Variants in RS1 observed in about 807,000 individuals in gnomAD.
The protein encoded by RS1 is retinoschisin.
Under a neutral mutation model 20.8 loss-of-function variants are expected in RS1, and 2 were observed. The ratio of observed to expected loss-of-function variants is 0.10; its 90% CI spans 0.04 to 0.30. The LOEUF (loss-of-function observed/expected upper bound fraction) is 0.30, where lower values mean the gene tolerates loss of function less well. Among genes scored for constraint, RS1 ranks in the 10% least tolerant of loss-of-function variants. RS1 has a pLI of 1.00. For synonymous variants in RS1, 70 were observed against 75.8 expected, an observed-to-expected ratio of 0.92 and a Z score of 0.40; for missense variants, 151 against 189.8, an observed-to-expected ratio of 0.80 and a Z score of 1.20.
At chrX:18,651,264 T>TGTGAGAGA (rs1491242962) in intron 3 of RS1, among the ~76,000 whole-genome samples, 37 of 69,012 alleles carry the variant, frequency 5.4e-4, no homozygotes, top group Middle Eastern at 8.0e-3. Context: ...TGTGTGTGTG[T>TGTGAGAGA]GAGAGAGAGA....
chrX:18,660,926 C>T (rs1426732892), intron 1 of RS1, among the ~76,000 whole-genome samples: 1 of 111,661 alleles, frequency 9.0e-6, no homozygotes, highest in Admixed American at 9.6e-5. Flanking sequence ...GCACATGTCT[C>T]TTAGCCTAGG....
intron 3 of RS1, chrX:18,647,536 A>C: frequency 2.2e-6 from 1 of 448,940 alleles, no homozygotes; most frequent in Non-Finnish European, 3.9e-6. Context: ...GAAGTAAAGG[A>C]ATTGCCATAG....
At chrX:18,657,745 G>A in intron 1 of RS1, 80 bp from the exon 2 acceptor site, 1 of 798,024 alleles carries the variant, frequency 1.3e-6, no homozygotes, top group East Asian at 3.2e-5. Context: ...ATGGAAAAGT[G>A]AAATAGAAAT....
chrX:18,658,640 A>G lies in RS1; in HGVS notation c.53-975T>C, dbSNP rs566951614. Among the ~76,000 whole-genome samples the G allele has an allele frequency of 3.5e-3, 383 of 110,581 alleles. 1 individual carries two copies. The highest frequency in any genetic ancestry group is 0.028 in the Middle Eastern group (6 of 217). ...CTGGCTAATTTTTTGTATTTTTAGT[A>G]GAGACAGGGTTTTGCTATGTTGGCC... On this transcript the variant is annotated intron_variant, in intron 1 of 5. Coordinates refer to ENST00000379984, the MANE Select transcript of RS1 (RefSeq NM_000330.4).
At chrX:18,660,804 C>A (rs1014414101) in intron 1 of RS1, among the ~76,000 whole-genome samples, 1 of 112,107 alleles carries the variant, frequency 8.9e-6, no homozygotes, top group Non-Finnish European at 1.9e-5. Flanking sequence ...GAAATGGAAG[C>A]CTCACTCTCT....
intron 3 of RS1, among the ~76,000 whole-genome samples, chrX:18,651,258 T>TGA (rs1203890269): frequency 3.4e-4 from 33 of 97,199 alleles, no homozygotes; most frequent in Admixed American, 1.2e-3. Context: ...TGTGTGTGTG[T>TGA]GTGTGTGAGA....
chrX:18,656,652 C>G lies in RS1; in HGVS notation c.184+1G>C, dbSNP rs281865343. On this transcript the variant is annotated splice_donor_variant, in intron 3 of 5. Transcript: ENST00000379984. LOFTEE classifies it high-confidence loss of function. Reference sequence around the variant, plus strand: ...CCATCCCAAGGACAGGGGATACTCACCTGGTATACAGTCCAAGGAGGTGGC... The same window carrying G: ...CCATCCCAAGGACAGGGGATACTCAGCTGGTATACAGTCCAAGGAGGTGGC... 1 of 1,190,588 alleles carries G rather than the reference C, an allele frequency of 8.4e-7. No individual in the cohort carries two copies. The highest frequency in any genetic ancestry group is 1.1e-6 in the Non-Finnish European group (1 of 877,698).
Position 18,654,149 on chromosome X carries a change from C to CTTT in RS1, c.184+2501_184+2503dup, listed in dbSNP as rs1186729210. Among the ~76,000 whole-genome samples, 97 of 92,546 alleles carry CTTT rather than the reference C, an allele frequency of 1.0e-3. 1 individual carries two copies. The highest frequency in any genetic ancestry group is 2.7e-3 in the African/African-American group (70 of 25,572). 80.4% of individuals were successfully genotyped at this position (92,546 alleles called of 115,157 possible). On this transcript the variant is annotated intron_variant, in intron 3 of 5. Coordinates refer to ENST00000379984, the MANE Select transcript of RS1 (RefSeq NM_000330.4). The stretch of plus-strand genomic sequence containing the variant: ...TCAAACACATGACTCTTCTCTCTCT[C>CTTT]TTTTTTTTTTTTTTTTGGTGGGGGG...
rs957283786 is a variant in RS1, at chrX:18,640,675, C to T, written c.*1329G>A. ...CACTGTATTAGCGCGAGTCTAGTCA[C>T]TTGCCTTGGCATTTGAAAATGAAAA... On this transcript the variant is annotated 3_prime_UTR_variant, in exon 6 of 6. Coordinates refer to ENST00000379984, the MANE Select transcript of RS1 (RefSeq NM_000330.4). The T allele has an allele frequency of 1.9e-4, 21 of 112,347 alleles. No homozygotes were observed. Among genetic ancestry groups the T allele is most frequent in the Non-Finnish European group, 3.4e-4 (18 of 53,233 alleles). The allele number at this position is 112,347 out of a possible 1,213,427, so 9.3% of individuals were successfully genotyped here.
At chrX:18,660,740 C>T (rs1057169231) in intron 1 of RS1, among the ~76,000 whole-genome samples, 1 of 112,210 alleles carries the variant, frequency 8.9e-6, no homozygotes, top group Non-Finnish European at 1.9e-5. Context: ...TGTTCTGCAA[C>T]CACTTTTTTT....
intron 3 of RS1, among the ~76,000 whole-genome samples, chrX:18,648,987 G>C (rs779545294): frequency 3.0e-4 from 31 of 105,002 alleles, no homozygotes; most frequent in Non-Finnish European, 4.9e-4. Flanking sequence ...GTCTGTGGCT[G>C]CAGTGAGCCA....
intron 1 of RS1, 148 bp downstream of exon 1, chrX:18,671,869 G>T: frequency 1.8e-6 from 1 of 546,689 alleles, no homozygotes; most frequent in Non-Finnish European, 3.1e-6. Context: ...AAAGACAACT[G>T]TTGTTCATTA....
chrX:18,667,315 C>T (rs1440872921), intron 1 of RS1, among the ~76,000 whole-genome samples: 1 of 111,024 alleles, frequency 9.0e-6, no homozygotes, highest in Non-Finnish European at 1.9e-5. Flanking sequence ...GAGACCGAGG[C>T]GGGCAAACCA....
At chrX:18,663,370 G>A (rs1928352232) in intron 1 of RS1, among the ~76,000 whole-genome samples, 1 of 79,608 alleles carries the variant, frequency 1.3e-5, no homozygotes, top group Non-Finnish European at 2.3e-5. Context: ...TTGAGACAGG[G>A]TCTTACTCTT....
At chrX:18,650,580 A>C in intron 3 of RS1, 1 of 1,211,999 alleles carries the variant, frequency 8.3e-7, no homozygotes, top group African/African-American at 1.7e-5. Context: ...CAGCTGCCCA[A>C]CCCAGCAATC....
intron 3 of RS1, among the ~76,000 whole-genome samples, chrX:18,651,202 T>C (rs773744545): frequency 6.5e-4 from 57 of 88,274 alleles, no homozygotes; most frequent in African/African-American, 2.4e-3. Flanking sequence ...TCGGCTGTCC[T>C]TGCCCCAGGC....
At chrX:18,650,236 A>T in intron 3 of RS1, 1 of 501,961 alleles carries the variant, frequency 2.0e-6, no homozygotes, top group Non-Finnish European at 3.5e-6. Flanking sequence ...GCAGCAGAGA[A>T]TGTGTGGCTC....
intron 1 of RS1, among the ~76,000 whole-genome samples, chrX:18,658,676 C>T (rs1290894561): frequency 9.0e-6 from 1 of 110,544 alleles, no homozygotes; most frequent in Non-Finnish European, 1.9e-5. Context: ...AGGCTGGTCT[C>T]GAACTCCTGA....
At chrX:18,650,365 C>A in intron 3 of RS1, 2 of 1,180,211 alleles carry the variant, frequency 1.7e-6, no homozygotes, top group Non-Finnish European at 2.3e-6. Flanking sequence ...ATGCCTGCCT[C>A]CCGGGCCCCA....
Sources: gnomAD v4.1 joint callset for allele counts (sites outside exome capture counted in the v4.1 genomes callset) on GRCh38, gnomAD v4.1.1 for gene constraint, MANE v1.5 for transcripts, NCBI Gene and HGNC (gene_info 2026-07-23, HGNC 2026-07-21) for gene names.